MAGI2: variants seen among roughly 807,000 people sequenced by gnomAD.
MAGI2 encodes the protein membrane associated guanylate kinase, WW and PDZ domain containing 2.
A neutral mutation model predicts 133.3 loss-of-function variants in MAGI2; 35 were observed. The observed-to-expected ratio is 0.26, with a 90% confidence interval of 0.20 to 0.35. MAGI2 has a LOEUF of 0.35. Ranked by LOEUF, MAGI2 falls within the 10% of genes least tolerant of loss-of-function variation. MAGI2 has a pLI of 1.00. For missense variants in MAGI2, 1,636 were observed against 1,863.4 expected (o/e 0.88, Z 2.25); for synonymous variants, 729 against 710.6 (o/e 1.03, Z -0.41).
intron 17 of MAGI2, 124 bp from the exon 18 acceptor site, chr7:78,133,184 AGGTT>A: frequency 1.4e-6 from 1 of 702,644 alleles, no homozygotes; most frequent in Non-Finnish European, 2.3e-6. Context: ...CGTTTCTGCT[AGGTT>A]TTTAGATAGC....
intron 2 of MAGI2, among the ~76,000 whole-genome samples, chr7:78,846,018 T>C (rs1319257652): frequency 6.6e-6 from 1 of 151,944 alleles, no homozygotes; most frequent in Non-Finnish European, 1.5e-5. Context: ...TATTACTGAA[T>C]TGTTTACAAC....
intron 3 of MAGI2, among the ~76,000 whole-genome samples, chr7:78,623,492 A>G (rs1378521013): frequency 6.6e-6 from 1 of 152,052 alleles, no homozygotes; most frequent in Non-Finnish European, 1.5e-5. Flanking sequence ...TATGAACACA[A>G]CTTCTTTATT....
chr7:79,120,477 T>C (rs529506637), intron 1 of MAGI2, among the ~76,000 whole-genome samples: 1 of 152,168 alleles, frequency 6.6e-6, no homozygotes, highest in East Asian at 1.9e-4. Context: ...CTAAATCAAC[T>C]AAAAAACCCT....
At chr7:78,454,441 C>T (rs1584209488) in intron 6 of MAGI2, among the ~76,000 whole-genome samples, 1 of 152,238 alleles carries the variant, frequency 6.6e-6, no homozygotes, top group Non-Finnish European at 1.5e-5. Flanking sequence ...TGCTGTGGAG[C>T]AATAGAAACT....
intron 1 of MAGI2, among the ~76,000 whole-genome samples, chr7:79,282,905 T>TAACA (rs71095391): frequency 0.58 from 87,462 of 151,308 alleles, 26,912 homozygotes; most frequent in Non-Finnish European, 0.68. Flanking sequence ...TTTTGATATA[T>TAACA]AACACTTTAC....
chr7:79,440,366 T>G (rs1402069238), intron 1 of MAGI2, among the ~76,000 whole-genome samples: 1 of 152,074 alleles, frequency 6.6e-6, no homozygotes, highest in Non-Finnish European at 1.5e-5. Context: ...TTGGTAAATT[T>G]TTGTGGCTGG....
chr7:79,040,370 G>A (rs897504938), intron 1 of MAGI2, among the ~76,000 whole-genome samples: 8 of 151,930 alleles, frequency 5.3e-5, no homozygotes. Flanking sequence ...GTCTTGGACA[G>A]TTCTTTATAG....
At chr7:79,099,512 A>C (rs1584926737) in intron 1 of MAGI2, among the ~76,000 whole-genome samples, 2 of 151,888 alleles carry the variant, frequency 1.3e-5, no homozygotes, top group East Asian at 1.9e-4. Context: ...GGTACACATG[A>C]AGGTCTGTTA....
At chr7:78,986,510 G>C (rs1279120015) in intron 2 of MAGI2, among the ~76,000 whole-genome samples, 1 of 151,524 alleles carries the variant, frequency 6.6e-6, no homozygotes, top group Admixed American at 6.6e-5. Context: ...CAATCTAGTA[G>C]CTTAGAGCTT....
intron 2 of MAGI2, among the ~76,000 whole-genome samples, chr7:78,856,535 C>A (rs907371513): frequency 1.3e-5 from 2 of 152,090 alleles, no homozygotes; most frequent in African/African-American, 4.8e-5. Flanking sequence ...TTGTTTTTGT[C>A]AGGTTTGTCA....
chr7:78,277,152 T>C (rs1435239347), intron 9 of MAGI2, among the ~76,000 whole-genome samples: 1 of 152,192 alleles, frequency 6.6e-6, no homozygotes, highest in Admixed American at 6.6e-5. Flanking sequence ...TTAGTACCCA[T>C]TTAATAAATA....
intron 2 of MAGI2, among the ~76,000 whole-genome samples, chr7:78,693,960 C>A (rs1563364384): frequency 6.6e-6 from 1 of 152,040 alleles, no homozygotes; most frequent in Non-Finnish European, 1.5e-5. Context: ...TGCCATAGTT[C>A]CAAGCACAAA....
chr7:78,552,529 G>T (rs1324430952), intron 3 of MAGI2, among the ~76,000 whole-genome samples: 3 of 152,116 alleles, frequency 2.0e-5, no homozygotes, highest in Non-Finnish European at 4.4e-5. Flanking sequence ...CGTGTAGCCG[G>T]CATGATAGTA....
intron 1 of MAGI2, among the ~76,000 whole-genome samples, chr7:79,404,279 C>G (rs1845661413): frequency 6.6e-6 from 1 of 152,108 alleles, no homozygotes; most frequent in Non-Finnish European, 1.5e-5. Flanking sequence ...ATAGTCTTCC[C>G]TGTTCATAGG....
intron 1 of MAGI2, among the ~76,000 whole-genome samples, chr7:79,357,088 C>T (rs1842070163): frequency 6.6e-6 from 1 of 152,192 alleles, no homozygotes; most frequent in African/African-American, 2.4e-5. Context: ...TAGATTCCTT[C>T]AGTATTGGAA....
At chr7:79,144,156 G>A (rs1822398102) in intron 1 of MAGI2, among the ~76,000 whole-genome samples, 1 of 152,162 alleles carries the variant, frequency 6.6e-6, no homozygotes, top group Non-Finnish European at 1.5e-5. Flanking sequence ...AGTACCCACA[G>A]CAGTGCTAGG....
chr7:78,694,085 C>T lies in MAGI2; in HGVS notation c.419-66846G>A, dbSNP rs535581910. ...GCTGCGTGACCATTGATAATTTCCT[C>T]AGCATGGGAAACTGGGAGCCTCAGT... On this transcript the variant is annotated intron_variant, in intron 2 of 21. Coordinates refer to ENST00000354212, the MANE Select transcript of MAGI2 (RefSeq NM_012301.4). Among the ~76,000 whole-genome samples the T allele has an allele frequency of 2.0e-5, 3 of 152,228 alleles. No individual in the cohort carries two copies. The East Asian group carries it at 5.8e-4, about 30-fold the overall frequency.
intron 1 of MAGI2, among the ~76,000 whole-genome samples, chr7:79,349,236 G>A (rs1022431810): frequency 2.6e-5 from 4 of 151,794 alleles, no homozygotes; most frequent in African/African-American, 9.7e-5. Context: ...AAAGGCTTAG[G>A]GATTTGTAAA....
At chr7:78,148,533 T>C (rs1388236534) in intron 16 of MAGI2, among the ~76,000 whole-genome samples, 1 of 151,946 alleles carries the variant, frequency 6.6e-6, no homozygotes, top group African/African-American at 2.4e-5. Context: ...AGGTTTTGGA[T>C]GGAAATAAAT....
Sources: allele counts gnomAD v4.1 joint callset (sites outside exome capture counted in the v4.1 genomes callset), GRCh38; gene constraint gnomAD v4.1.1; transcripts MANE v1.5; gene names NCBI Gene and HGNC (gene_info 2026-07-23, HGNC 2026-07-21).